CPA6: variants seen among roughly 807,000 people sequenced by gnomAD.
CPA6 encodes carboxypeptidase A6.
In CPA6, 58 loss-of-function variants were observed where a neutral mutation model predicts 63.3. The ratio of observed to expected loss-of-function variants is 0.92; its 90% CI spans 0.74 to 1.14. The LOEUF is 1.14. Ranked by LOEUF, CPA6 falls within the 50% of genes most tolerant of loss-of-function variation. The pLI is 0.00. For missense variants in CPA6, 565 were observed against 526.6 expected (o/e 1.07, Z -0.71); for synonymous variants, 185 against 179.0 (o/e 1.03, Z -0.27).
At chr8:67,488,992 T>G (rs886902754) in intron 6 of CPA6, among the ~76,000 whole-genome samples, 3 of 152,236 alleles carry the variant, frequency 2.0e-5, no homozygotes, top group African/African-American at 7.2e-5. Context: ...TCATGTCATC[T>G]GCAAATAGGG....
intron 2 of CPA6, among the ~76,000 whole-genome samples, chr8:67,581,982 C>T (rs1371454167): frequency 1.3e-5 from 2 of 151,806 alleles, no homozygotes; most frequent in African/African-American, 2.4e-5. Flanking sequence ...GGAGGTCAAG[C>T]AAAAATAGTA....
chr8:67,539,050 C>T (rs1291225463), intron 2 of CPA6, among the ~76,000 whole-genome samples: 1 of 152,150 alleles, frequency 6.6e-6, no homozygotes, highest in South Asian at 2.1e-4. Flanking sequence ...ATGATGCTAG[C>T]TGGTTATTTT....
At chr8:67,593,291 A>T (rs1218027254) in intron 2 of CPA6, among the ~76,000 whole-genome samples, 1 of 147,972 alleles carries the variant, frequency 6.8e-6, no homozygotes, top group African/African-American at 2.5e-5. Context: ...TGCTGAGGAG[A>T]GCTTTACTTC....
intron 1 of CPA6, among the ~76,000 whole-genome samples, chr8:67,722,630 G>A (rs143945703): frequency 5.3e-4 from 80 of 152,184 alleles, no homozygotes; most frequent in Middle Eastern, 3.4e-3. Context: ...GGAAACCTTG[G>A]CCTTTAACCA....
chr8:67,526,133 G>T (rs1251166534), intron 2 of CPA6, among the ~76,000 whole-genome samples: 1 of 152,190 alleles, frequency 6.6e-6, no homozygotes, highest in East Asian at 1.9e-4. Context: ...ACTTATTATG[G>T]AATTTGGATT....
intron 8 of CPA6, among the ~76,000 whole-genome samples, chr8:67,446,135 A>G (rs1397078506): frequency 1.3e-5 from 2 of 151,898 alleles, no homozygotes; most frequent in Admixed American, 6.6e-5. Flanking sequence ...GCGTGGTGGC[A>G]GGCTCCTGTA....
chr8:67,506,538 G>A lies in CPA6; in HGVS notation c.636+249C>T, dbSNP rs537856483. On this transcript the variant is annotated intron_variant, in intron 6 of 10. Coordinates refer to ENST00000297770, the MANE Select transcript of CPA6 (RefSeq NM_020361.5). ...CCTAATTTGTCACAAATTTAAAAAG[G>A]TTCTGAACTTCAGGTTCTTTCTCTG... Among the ~76,000 whole-genome samples, 15 of 152,298 alleles carry A rather than the reference G, an allele frequency of 9.8e-5. No homozygotes were observed. In the East Asian group the frequency reaches 2.5e-3, roughly 25 times the overall value.
chr8:67,671,988 G>A (rs1437137331), intron 1 of CPA6, among the ~76,000 whole-genome samples: 4 of 151,860 alleles, frequency 2.6e-5, no homozygotes, highest in Non-Finnish European at 5.9e-5. Flanking sequence ...CACCACCACA[G>A]CCAGCTAATT....
At chr8:67,509,493 T>A (rs769986005) in intron 5 of CPA6, 24 bp downstream of exon 5, 1 of 1,081,436 alleles carries the variant, frequency 9.2e-7, no homozygotes, top group Non-Finnish European at 1.4e-6. Context: ...ATTATGTATT[T>A]ACACAGCAAT....
At chr8:67,558,687 T>A (rs1325754048) in intron 2 of CPA6, among the ~76,000 whole-genome samples, 1 of 151,646 alleles carries the variant, frequency 6.6e-6, no homozygotes, top group Non-Finnish European at 1.5e-5. Flanking sequence ...ATAGTTTTGC[T>A]GGAAGACACT....
At position 67,713,083 on chromosome 8, in the gene CPA6, A is replaced by ATGTGTGTGTG. The variant is rs368243285; in HGVS notation, c.116+32921_116+32930dup. Among the ~76,000 whole-genome samples, 649 of 75,640 alleles carry ATGTGTGTGTG rather than the reference A, an allele frequency of 8.6e-3. 26 individuals carry two copies. Among genetic ancestry groups the ATGTGTGTGTG allele is most frequent in the East Asian group, 0.039 (84 of 2,150 alleles). The allele number at this position is 75,640 out of a possible 152,430, so 49.6% of individuals were successfully genotyped here. ...TAAGCATGTGTGTATCTGTGTGTGT[A>ATGTGTGTGTG]TGTGTGTGTGTGTGTGTATATATAT... is the stretch of plus-strand genomic sequence containing the variant. On this transcript the variant is annotated intron_variant, in intron 1 of 10. Coordinates refer to ENST00000297770, the MANE Select transcript of CPA6 (RefSeq NM_020361.5).
At chr8:67,660,286 T>C (rs904434212) in intron 1 of CPA6, among the ~76,000 whole-genome samples, 1 of 151,354 alleles carries the variant, frequency 6.6e-6, no homozygotes, top group Non-Finnish European at 1.5e-5. Context: ...TCCACCAATG[T>C]AGTATTTGGC....
chr8:67,539,727 C>T (rs931633902), intron 2 of CPA6, among the ~76,000 whole-genome samples: 2 of 152,078 alleles, frequency 1.3e-5, no homozygotes, highest in Non-Finnish European at 2.9e-5. Flanking sequence ...ATGTTGTCTT[C>T]GTGCTTTATT....
At chr8:67,743,174 G>A (rs1210955299) in intron 1 of CPA6, among the ~76,000 whole-genome samples, 8 of 152,126 alleles carry the variant, frequency 5.3e-5, no homozygotes, top group Non-Finnish European at 1.0e-4. Context: ...AATCGAAGTC[G>A]TTATTTTCCA....
intron 6 of CPA6, among the ~76,000 whole-genome samples, chr8:67,492,670 A>C (rs1048208042): frequency 6.6e-6 from 1 of 152,152 alleles, no homozygotes; most frequent in Admixed American, 6.6e-5. Context: ...GATTATGAAG[A>C]TTGCTCTGTC....
chr8:67,448,674 A>AAAGGAAAGAACG, intron 8 of CPA6, among the ~76,000 whole-genome samples: 1 of 149,250 alleles, frequency 6.7e-6, no homozygotes, highest in African/African-American at 2.5e-5. Context: ...GAAAAAGAAA[A>AAAGGAAAGAACG]AAAAAGAAAG....
At chr8:67,722,404 T>G (rs1320712672) in intron 1 of CPA6, among the ~76,000 whole-genome samples, 1 of 152,214 alleles carries the variant, frequency 6.6e-6, no homozygotes, top group Non-Finnish European at 1.5e-5. Flanking sequence ...TTACATTTTT[T>G]AAATCTGCAG....
At chr8:67,498,268 G>T (rs1563976844) in intron 6 of CPA6, among the ~76,000 whole-genome samples, 1 of 152,008 alleles carries the variant, frequency 6.6e-6, no homozygotes, top group African/African-American at 2.4e-5. Context: ...GGACATGGTG[G>T]CTCACATCTG....
chr8:67,644,738 C>CAAT (rs2128990446), intron 1 of CPA6, among the ~76,000 whole-genome samples: 1 of 152,268 alleles, frequency 6.6e-6, no homozygotes, highest in South Asian at 2.1e-4. Context: ...ATGTCAGGAG[C>CAAT]AATACCACAT....
Sources: allele counts gnomAD v4.1 joint callset (sites outside exome capture counted in the v4.1 genomes callset), GRCh38; gene constraint gnomAD v4.1.1; transcripts MANE v1.5; gene names NCBI Gene and HGNC (gene_info 2026-07-23, HGNC 2026-07-21).